Variants in JMJD1C observed in about 807,000 individuals in gnomAD.
JMJD1C encodes jumonji domain containing 1C.
In JMJD1C, 31 loss-of-function variants were observed where a neutral mutation model predicts 245.3. That is an observed-to-expected ratio of 0.13 (90% CI 0.09 to 0.17). The LOEUF is 0.17. JMJD1C is among the 10% of genes least tolerant of loss of function. JMJD1C has a pLI of 1.00. For missense variants in JMJD1C, 2,691 were observed against 3,000.2 expected, an observed-to-expected ratio of 0.90 and a Z score of 2.41; for synonymous variants, 1,057 against 1,017.4, an observed-to-expected ratio of 1.04 and a Z score of -0.74.
chr10:63,516,300 A>T (rs559657493), intron 1 of JMJD1C, among the ~76,000 whole-genome samples: 219 of 151,714 alleles, frequency 1.4e-3, no homozygotes, highest in Admixed American at 3.8e-3. Context: ...GGAAACAGGG[A>T]AGAAAAAAAG....
intron 1 of JMJD1C, among the ~76,000 whole-genome samples, chr10:63,396,799 CAA>C (rs947151257): frequency 7.2e-6 from 1 of 138,174 alleles, no homozygotes; most frequent in Middle Eastern, 3.7e-3. Flanking sequence ...TTAGATTCAG[CAA>C]AAAAAAAAAG....
intron 8 of JMJD1C, 75 bp downstream of exon 8, chr10:63,213,398 G>C (rs956004307): frequency 2.3e-6 from 2 of 879,688 alleles, no homozygotes; most frequent in Non-Finnish European, 1.7e-6. Flanking sequence ...CTAAAAAATA[G>C]ATGGAATATT....
At position 63,209,201 on chromosome 10, in the gene JMJD1C, G is replaced by A; in HGVS notation, c.2729C>T (p.Pro910Leu). The A allele has an allele frequency of 6.2e-7, 1 of 1,613,074 alleles. No individual in the cohort carries two copies. Among genetic ancestry groups the A allele is most frequent in the Non-Finnish European group, 8.5e-7 (1 of 1,179,498 alleles). The change falls in exon 9 of 26, where the codon CCT (proline) becomes CTT (leucine). Residue 910 changes from proline (P) to leucine (L), a missense_variant. Pro to Leu is a moderately conservative substitution (Grantham distance 98, BLOSUM62 -3). This residue lies in a region of JMJD1C where 1,562 missense variants were observed against 1,490.7 expected (regional missense o/e 1.05). Transcript: ENST00000399262. The stretch of plus-strand genomic sequence containing the variant: ...TCCAATACCATCTGCTGAGGTCACA[G>A]GGGTGGGCTGATGTAGCCAAGGACT... ...SPSPWLHQPT[P>L]VTSADGIGLL...
chr10:63,430,130 C>T (rs1196442274), intron 1 of JMJD1C, among the ~76,000 whole-genome samples: 1 of 152,186 alleles, frequency 6.6e-6, no homozygotes, highest in African/African-American at 2.4e-5. Context: ...ACTGGGACAA[C>T]TGGGTTTCCA....
intron 21 of JMJD1C, among the ~76,000 whole-genome samples, chr10:63,184,061 G>A (rs1245683293): frequency 3.3e-5 from 5 of 151,562 alleles, no homozygotes; most frequent in African/African-American, 2.4e-5. Flanking sequence ...CTGATAGCTG[G>A]GACTACAGGT....
intron 2 of JMJD1C, among the ~76,000 whole-genome samples, chr10:63,305,762 A>G (rs565469548): frequency 6.6e-6 from 1 of 151,126 alleles, no homozygotes; most frequent in Admixed American, 6.6e-5. Context: ...ATTAAAAATC[A>G]TTTTTCTGAT....
At position 63,204,697 on chromosome 10, in the gene JMJD1C, G is replaced by A. The variant is rs968800911; in HGVS notation, c.5074+1898C>T. 20 of 985,260 alleles carry A rather than the reference G, an allele frequency of 2.0e-5. No homozygotes were observed. In the Admixed American group the frequency reaches 4.9e-4, roughly 24 times the overall value. 61.0% of individuals were successfully genotyped at this position (985,260 alleles called of 1,614,324 possible). On this transcript the variant is annotated intron_variant, in intron 10 of 25. Transcript: ENST00000399262. ...TTCAAGTAAATGGCAGGTATCCTTC[G>A]ATGTTAATCCCCCTCTCTGTCTTCT...
intron 18 of JMJD1C, 132 bp downstream of exon 18, chr10:63,189,034 TTA>T: frequency 1.4e-6 from 1 of 693,414 alleles, no homozygotes; most frequent in Non-Finnish European, 2.2e-6. Flanking sequence ...TTCGGTACTT[TTA>T]TATCTTATTG....
intron 1 of JMJD1C, among the ~76,000 whole-genome samples, chr10:63,384,240 A>C (rs2134532934): frequency 6.6e-6 from 1 of 152,294 alleles, no homozygotes; most frequent in South Asian, 2.1e-4. Context: ...TGAAAGTCTT[A>C]AACACCTCAA....
intron 2 of JMJD1C, among the ~76,000 whole-genome samples, chr10:63,375,184 T>TTTTA (rs1564848263): frequency 1.6e-4 from 3 of 18,278 alleles, no homozygotes; most frequent in African/African-American, 3.5e-4. Context: ...AAAAATTGGC[T>TTTTA]TTTTTTTTTT....
At chr10:63,477,430 G>A (rs1307509771) in intron 1 of JMJD1C, among the ~76,000 whole-genome samples, 1 of 151,652 alleles carries the variant, frequency 6.6e-6, no homozygotes, top group African/African-American at 2.4e-5. Context: ...AAATAAGAGA[G>A]TCCAGAAATA....
rs539741457 is a variant in JMJD1C, at chr10:63,323,366, A to G, written c.333+56952T>C. Among the ~76,000 whole-genome samples the G allele has an allele frequency of 1.1e-4, 17 of 152,286 alleles. 1 individual carries two copies. The highest frequency in any genetic ancestry group is 1.1e-3 in the Admixed American group (17 of 15,296). ...TGGTGAAATCCCACCTCTACTAAAA[A>G]TACAAAAACTAGGCTTGGTGGCACG... On this transcript the variant is annotated intron_variant, in intron 2 of 25. Coordinates refer to ENST00000399262, the MANE Select transcript of JMJD1C (RefSeq NM_032776.3).
chr10:63,349,637 C>T (rs1414855535), intron 2 of JMJD1C, among the ~76,000 whole-genome samples: 1 of 152,038 alleles, frequency 6.6e-6, no homozygotes, highest in Non-Finnish European at 1.5e-5. Flanking sequence ...CAATGGAATC[C>T]TTGAAATGCG....
chr10:63,427,441 A>T, intron 1 of JMJD1C: 1 of 1,146,840 alleles, frequency 8.7e-7, no homozygotes, highest in Non-Finnish European at 1.3e-6. Context: ...TGCTGACCAG[A>T]AACTGCTGTC....
At chr10:63,212,236 C>T (rs1300039719) in intron 8 of JMJD1C, among the ~76,000 whole-genome samples, 2 of 152,094 alleles carry the variant, frequency 1.3e-5, no homozygotes, top group Non-Finnish European at 2.9e-5. Flanking sequence ...TAGAGACCTG[C>T]TGCACAACAA....
intron 1 of JMJD1C, among the ~76,000 whole-genome samples, chr10:63,463,779 T>C (rs999047809): frequency 6.6e-6 from 1 of 152,178 alleles, no homozygotes; most frequent in Admixed American, 6.5e-5. Context: ...TTGACAAATA[T>C]ATATATCTGT....
intron 1 of JMJD1C, among the ~76,000 whole-genome samples, chr10:63,444,767 A>G (rs1241922822): frequency 1.3e-5 from 2 of 152,072 alleles, no homozygotes; most frequent in African/African-American, 4.8e-5. Context: ...CTGGCATTAC[A>G]GGTGCCCACC....
chr10:63,311,460 A>G (rs577497677), intron 2 of JMJD1C, among the ~76,000 whole-genome samples: 27 of 152,320 alleles, frequency 1.8e-4, no homozygotes, highest in Non-Finnish European at 3.4e-4. Flanking sequence ...CGTGTCCATC[A>G]TGGAGAAAAG....
chr10:63,322,246 A>G (rs1940960765), intron 2 of JMJD1C, among the ~76,000 whole-genome samples: 1 of 152,192 alleles, frequency 6.6e-6, no homozygotes. Context: ...AAATGAGTGG[A>G]TGTCAGTTTA....
Sources: gnomAD v4.1 joint callset for allele counts (sites outside exome capture counted in the v4.1 genomes callset) on GRCh38, gnomAD v4.1.1 for gene constraint, gnomAD v4.1.1 regional missense constraint, MANE v1.5 for transcripts, NCBI Gene and HGNC (gene_info 2026-07-23, HGNC 2026-07-21) for gene names.